MED12L: variants seen among roughly 807,000 people sequenced by gnomAD.
MED12L encodes mediator complex subunit 12L.
A neutral mutation model predicts 281.3 loss-of-function variants in MED12L; 60 were observed. That is an observed-to-expected ratio of 0.21 (90% CI 0.17 to 0.26). The LOEUF (loss-of-function observed/expected upper bound fraction) is 0.26. Among genes scored for constraint, MED12L ranks in the 10% least tolerant of loss-of-function variants. The pLI is 1.00. For synonymous variants in MED12L, 974 were observed against 987.2 expected, an observed-to-expected ratio of 0.99 and a Z score of 0.25; for missense variants, 2,146 against 2,680.9, an observed-to-expected ratio of 0.80 and a Z score of 4.41.
At chr3:151,353,066 CT>C (rs1162695190) in intron 17 of MED12L, among the ~76,000 whole-genome samples, 1 of 152,110 alleles carries the variant, frequency 6.6e-6, no homozygotes, top group African/African-American at 2.4e-5. Context: ...CAATTACATT[CT>C]TTTACATGAA....
intron 16 of MED12L, among the ~76,000 whole-genome samples, chr3:151,312,416 C>G (rs1271014719): frequency 6.6e-6 from 1 of 152,188 alleles, no homozygotes; most frequent in African/African-American, 2.4e-5. Context: ...ACAGGGACTT[C>G]AGATCATTTT....
chr3:151,415,678 A>C (rs1457626022), intron 42 of MED12L, among the ~76,000 whole-genome samples: 7 of 152,188 alleles, frequency 4.6e-5, no homozygotes, highest in Admixed American at 2.6e-4. Context: ...AAAACAAAAC[A>C]ACTATTAATA....
intron 17 of MED12L, among the ~76,000 whole-genome samples, chr3:151,351,221 A>G (rs1753201967): frequency 6.6e-6 from 1 of 152,232 alleles, no homozygotes; most frequent in Non-Finnish European, 1.5e-5. Context: ...ACAGATCTTA[A>G]TAATGAAGAT....
At chr3:151,417,447 C>T (rs938347727) in intron 43 of MED12L, among the ~76,000 whole-genome samples, 15 of 148,696 alleles carry the variant, frequency 1.0e-4, no homozygotes, top group Admixed American at 6.7e-4. Context: ...ACAAACTCTG[C>T]GTAAGCCAGT....
intron 16 of MED12L, among the ~76,000 whole-genome samples, chr3:151,324,761 T>C (rs1749389814): frequency 6.6e-6 from 1 of 152,232 alleles, no homozygotes; most frequent in East Asian, 1.9e-4. Context: ...CCACTAAAAT[T>C]TGCAAACTAA....
chr3:151,267,254 T>A (rs960682312), intron 16 of MED12L, among the ~76,000 whole-genome samples: 1 of 152,266 alleles, frequency 6.6e-6, no homozygotes. Flanking sequence ...TGAAAAGGAT[T>A]GTACATTGTC....
intron 8 of MED12L, among the ~76,000 whole-genome samples, chr3:151,161,465 G>A (rs1719972296): frequency 6.6e-6 from 1 of 152,170 alleles, no homozygotes; most frequent in Non-Finnish European, 1.5e-5. Flanking sequence ...GTGCTTAAGA[G>A]TCGGGCAGAG....
chr3:151,165,755 C>G, intron 10 of MED12L, 91 bp from the exon 11 acceptor site: 1 of 1,365,330 alleles, frequency 7.3e-7, no homozygotes, highest in African/African-American at 1.4e-5. Context: ...AAAAAAAATT[C>G]TTTTGCCTCA....
chr3:151,309,123 A>ACACACACACACG (rs1184898560), intron 16 of MED12L, among the ~76,000 whole-genome samples: 1 of 129,886 alleles, frequency 7.7e-6, no homozygotes, highest in Non-Finnish European at 1.6e-5. Flanking sequence ...ATACACGCAC[A>ACACACACACACG]CACACACACA....
At chr3:151,105,459 C>G (rs890266096) in intron 2 of MED12L, among the ~76,000 whole-genome samples, 4 of 152,130 alleles carry the variant, frequency 2.6e-5, no homozygotes, top group Non-Finnish European at 4.4e-5. Context: ...CCTCTCAGGT[C>G]ACCCGGAATG....
chr3:151,162,897 T>C (rs1378608077), intron 8 of MED12L, among the ~76,000 whole-genome samples: 4 of 152,140 alleles, frequency 2.6e-5, no homozygotes, highest in African/African-American at 9.7e-5. Flanking sequence ...TGTTTCCCCG[T>C]GTCTGGTTGG....
intron 16 of MED12L, among the ~76,000 whole-genome samples, chr3:151,348,660 T>C (rs1381172665): frequency 6.6e-6 from 1 of 151,844 alleles, no homozygotes; most frequent in Admixed American, 6.6e-5. Context: ...GCAGGGCATA[T>C]AAATGTTTAT....
chr3:151,245,185 G>T (rs1735137215), intron 16 of MED12L, among the ~76,000 whole-genome samples: 1 of 152,170 alleles, frequency 6.6e-6, no homozygotes, highest in Non-Finnish European at 1.5e-5. Flanking sequence ...AATTCTACCA[G>T]AGGTATAAGG....
chr3:151,123,427 T>C (rs925095312), intron 4 of MED12L, among the ~76,000 whole-genome samples: 3 of 152,202 alleles, frequency 2.0e-5, no homozygotes, highest in African/African-American at 7.2e-5. Context: ...TGTGTGCTTG[T>C]TCTTTGAAAA....
At chr3:151,270,022 A>G (rs1740582946) in intron 16 of MED12L, 1 of 251,656 alleles carries the variant, frequency 4.0e-6, no homozygotes, top group Non-Finnish European at 7.7e-6. Context: ...GAGATAAATG[A>G]TGAAGAAGGA....
chr3:151,368,702 T>G (rs1436450663), intron 25 of MED12L, among the ~76,000 whole-genome samples: 1,955 of 63,022 alleles, frequency 0.031, 109 homozygotes, highest in African/African-American at 0.15. Context: ...TTCATTTCAT[T>G]TCATTTCATT....
chr3:151,193,186 A>G (rs1266598480), intron 15 of MED12L, among the ~76,000 whole-genome samples: 1 of 152,214 alleles, frequency 6.6e-6, no homozygotes, highest in Non-Finnish European at 1.5e-5. Flanking sequence ...ATGTAGCCCT[A>G]CGAGGAAAAC....
At chr3:151,228,901 G>C (rs914137093) in intron 16 of MED12L, among the ~76,000 whole-genome samples, 1 of 152,156 alleles carries the variant, frequency 6.6e-6, no homozygotes, top group Non-Finnish European at 1.5e-5. Context: ...GCAAGGAAAT[G>C]AATCCATGAC....
intron 16 of MED12L, among the ~76,000 whole-genome samples, chr3:151,318,527 GA>G (rs1748584905): frequency 6.6e-6 from 1 of 152,014 alleles, no homozygotes; most frequent in Non-Finnish European, 1.5e-5. Flanking sequence ...TTTACTGCCA[GA>G]ACAACTAACT....
Sources: gnomAD v4.1 joint callset for allele counts (sites outside exome capture counted in the v4.1 genomes callset) on GRCh38, gnomAD v4.1.1 for gene constraint, MANE v1.5 for transcripts, NCBI Gene and HGNC (gene_info 2026-07-23, HGNC 2026-07-21) for gene names.